The following RPTOR variants were observed in gnomAD, a reference collection of about 807,000 sequenced individuals.
The protein encoded by RPTOR is regulatory-associated protein of mTOR.
Under a neutral mutation model 169.9 loss-of-function variants are expected in RPTOR, and 21 were observed. The ratio of observed to expected loss-of-function variants is 0.12; its 90% confidence interval spans 0.09 to 0.18. The LOEUF is 0.18. Ranked by LOEUF, RPTOR falls within the 10% of genes least tolerant of loss-of-function variation. The pLI, the probability that RPTOR is intolerant of heterozygous loss-of-function variation, is 1.00. For synonymous variants in RPTOR, 732 were observed against 753.2 expected (o/e 0.97, Z 0.46); for missense variants, 1,133 against 1,855.9 (o/e 0.61, Z 7.16).
chr17:80,841,851 CCG>C, intron 10 of RPTOR, among the ~76,000 whole-genome samples: 1 of 131,866 alleles, frequency 7.6e-6, no homozygotes. Context: ...CTCACACTCA[CCG>C]CACGGCAGCT....
intron 21 of RPTOR, among the ~76,000 whole-genome samples, chr17:80,918,535 CAT>C (rs1266932657): frequency 9.7e-5 from 7 of 72,318 alleles, no homozygotes; most frequent in Non-Finnish European, 1.2e-4. Flanking sequence ...GGGTCATAGC[CAT>C]GAGCACCCTC....
At chr17:80,777,966 G>A (rs888371675) in intron 6 of RPTOR, among the ~76,000 whole-genome samples, 6 of 152,176 alleles carry the variant, frequency 3.9e-5, no homozygotes, top group Non-Finnish European at 7.3e-5. Flanking sequence ...TCTGTGTAGC[G>A]AGCATCCGTG....
rs1452928535 is a variant in RPTOR, at chr17:80,726,147, C to T, written c.508-4413C>T. Reference sequence around the variant, plus strand: ...AGAGGCCCACATCCAAGCAGGCTTCCCAGAGCAGGCGGGGCTGGGAAAGCT... The same window carrying T: ...AGAGGCCCACATCCAAGCAGGCTTCTCAGAGCAGGCGGGGCTGGGAAAGCT... On this transcript the variant is annotated intron_variant, in intron 4 of 33. Coordinates refer to ENST00000306801, the MANE Select transcript of RPTOR (RefSeq NM_020761.3). This position sits in a 1 kb window ranked among gnomAD's most constrained non-coding sequence, Gnocchi z 4.5. 6.6e-6 allele frequency among the ~76,000 whole-genome samples: 1 copy of T among 152,192 alleles called. No homozygotes were observed. Among genetic ancestry groups the T allele is most frequent in the East Asian group, 1.9e-4 (1 of 5,202 alleles).
chr17:80,653,855 G>C (rs1051432578), intron 3 of RPTOR, among the ~76,000 whole-genome samples: 3 of 152,210 alleles, frequency 2.0e-5, no homozygotes, highest in Non-Finnish European at 4.4e-5. Flanking sequence ...TCACATCCTA[G>C]TGGTCCCTGG....
chr17:80,890,657 G>A (rs1302677091), intron 17 of RPTOR, among the ~76,000 whole-genome samples: 1 of 152,246 alleles, frequency 6.6e-6, no homozygotes, highest in African/African-American at 2.4e-5. Context: ...GGTGCCCGCA[G>A]TTCATAGGGC....
chr17:80,855,795 T>C (rs1417954983), intron 12 of RPTOR, among the ~76,000 whole-genome samples: 1 of 152,110 alleles, frequency 6.6e-6, no homozygotes, highest in Non-Finnish European at 1.5e-5. Context: ...TTATGTCTGA[T>C]GTTAGACATA....
intron 3 of RPTOR, among the ~76,000 whole-genome samples, chr17:80,679,456 C>T (rs1206706761): frequency 6.6e-6 from 1 of 152,176 alleles, no homozygotes; most frequent in Non-Finnish European, 1.5e-5. Context: ...TCATGTTACT[C>T]TAAGTTTTCG....
Position 80,562,604 on chromosome 17 carries a change from C to T in RPTOR, c.162+16813C>T, listed in dbSNP as rs34039690. 4.6e-5 allele frequency among the ~76,000 whole-genome samples: 7 copies of T among 152,122 alleles called. No homozygotes were observed. The highest frequency in any genetic ancestry group is 2.1e-4 in the South Asian group (1 of 4,806). On this transcript the variant is annotated intron_variant, in intron 1 of 33. Coordinates refer to ENST00000306801, the MANE Select transcript of RPTOR (RefSeq NM_020761.3). The surrounding 1 kb of genome is among the most constrained non-coding windows in gnomAD (Gnocchi z 4.4). ...TTCGAGACCAGCCTGGCCAACATGG[C>T]GAAACCCCGTCTCTACTAAAAATAC...
intron 27 of RPTOR, among the ~76,000 whole-genome samples, chr17:80,948,849 C>T (rs899695051): frequency 1.3e-5 from 2 of 152,246 alleles, no homozygotes; most frequent in Non-Finnish European, 2.9e-5. Context: ...TGCAGAGGGC[C>T]GTTTCCTCCA....
At chr17:80,952,628 G>A (rs1438656221) in intron 28 of RPTOR, among the ~76,000 whole-genome samples, 3 of 152,170 alleles carry the variant, frequency 2.0e-5, no homozygotes, top group African/African-American at 7.2e-5. Context: ...CTGGCATCTT[G>A]AATGTTCTCC....
intron 14 of RPTOR, among the ~76,000 whole-genome samples, chr17:80,880,784 T>C (rs2068178400): frequency 1.3e-5 from 2 of 152,290 alleles, no homozygotes; most frequent in South Asian, 2.1e-4. Context: ...CTTTGCAAAA[T>C]AGTCAAATCC....
In RPTOR at chr17:80,609,113, C is replaced by T. The variant is rs150420724; in HGVS notation, c.163-16578C>T. On this transcript the variant is annotated intron_variant, in intron 1 of 33. Transcript: ENST00000306801. This position sits in a 1 kb window ranked among gnomAD's most constrained non-coding sequence, Gnocchi z 4.8. ...ATCCAGGGAAGCATGGAGAGCACAG[C>T]GCGACCCGTGTGGAGAGGGCATCAC... 4.6e-4 allele frequency among the ~76,000 whole-genome samples: 70 copies of T among 152,240 alleles called. No individual in the cohort carries two copies. Among genetic ancestry groups the T allele is most frequent in the Admixed American group, 1.1e-3 (17 of 15,298 alleles).
chr17:80,654,845 A>G (rs2065667802), intron 3 of RPTOR, among the ~76,000 whole-genome samples: 1 of 152,226 alleles, frequency 6.6e-6, no homozygotes, highest in Non-Finnish European at 1.5e-5. Flanking sequence ...GCTTTGCAAA[A>G]CTTTGCAGAT....
intron 1 of RPTOR, among the ~76,000 whole-genome samples, chr17:80,606,006 A>C (rs1344182535): frequency 1.3e-5 from 2 of 152,014 alleles, no homozygotes; most frequent in Non-Finnish European, 2.9e-5. Context: ...GTCTCTTACC[A>C]ATAGACTTTT....
At chr17:80,817,677 G>A (rs1454607757) in intron 7 of RPTOR, among the ~76,000 whole-genome samples, 1 of 152,160 alleles carries the variant, frequency 6.6e-6, no homozygotes, top group Non-Finnish European at 1.5e-5. Flanking sequence ...GAGAGTGACT[G>A]TGATGGGCTG....
In RPTOR at chr17:80,878,286, C is replaced by T. The variant is rs534182978; in HGVS notation, c.1510-2129C>T. Among the ~76,000 whole-genome samples the T allele has an allele frequency of 1.1e-4, 17 of 152,280 alleles. No individual in the cohort carries two copies. In the South Asian group the frequency reaches 1.9e-3, roughly 17 times the overall value. On this transcript the variant is annotated intron_variant, in intron 13 of 33. Coordinates refer to ENST00000306801, the MANE Select transcript of RPTOR (RefSeq NM_020761.3). This position sits in a 1 kb window ranked among gnomAD's most constrained non-coding sequence, Gnocchi z 4.1. Reference sequence around the variant, plus strand: ...AACACAGCATCCATGATTTGTACATCGCACTGCAGTTTCAGACTGCTTTCA... The same window carrying T: ...AACACAGCATCCATGATTTGTACATTGCACTGCAGTTTCAGACTGCTTTCA...
At chr17:80,838,457 C>G (rs1341739928) in intron 10 of RPTOR, among the ~76,000 whole-genome samples, 1 of 152,212 alleles carries the variant, frequency 6.6e-6, no homozygotes, top group African/African-American at 2.4e-5. Context: ...TACGGCGGAA[C>G]CTGGGTTTAG....
At chr17:80,668,596 C>T (rs1046379367) in intron 3 of RPTOR, among the ~76,000 whole-genome samples, 2 of 152,232 alleles carry the variant, frequency 1.3e-5, no homozygotes, top group Non-Finnish European at 2.9e-5. Context: ...CCCATGTTTG[C>T]ACGCCTCAGC....
chr17:80,638,977 A>G (rs1012451665), intron 2 of RPTOR, among the ~76,000 whole-genome samples: 1 of 152,176 alleles, frequency 6.6e-6, no homozygotes, highest in Non-Finnish European at 1.5e-5. Flanking sequence ...GTCCCGGCCG[A>G]AGCTTTCCTG....
Sources: gnomAD v4.1 joint callset for allele counts (sites outside exome capture counted in the v4.1 genomes callset) on GRCh38, gnomAD v4.1.1 for gene constraint, Gnocchi (gnomAD v3.1) non-coding constraint, MANE v1.5 for transcripts, NCBI Gene and HGNC (gene_info 2026-07-23, HGNC 2026-07-21) for gene names.